SLC29A1: variants seen among roughly 807,000 people sequenced by gnomAD.
The protein encoded by SLC29A1 is equilibrative nucleoside transporter 1.
A neutral mutation model predicts 48.3 loss-of-function variants in SLC29A1; 22 were observed. The ratio of observed to expected loss-of-function variants is 0.46; its 90% CI spans 0.33 to 0.65. SLC29A1 has a LOEUF of 0.65. Ranked by LOEUF, SLC29A1 falls within the 30% of genes least tolerant of loss-of-function variation. The probability of loss-of-function intolerance (pLI) is 0.03; values close to 1 mark genes in which losing one functional copy is unlikely to be tolerated. For synonymous variants in SLC29A1, 228 were observed against 231.0 expected, an observed-to-expected ratio of 0.99 and a Z score of 0.12; for missense variants, 491 against 575.3, an observed-to-expected ratio of 0.85 and a Z score of 1.50.
chr6:44,223,702 C>T lies in SLC29A1; in HGVS notation c.-52+61C>T. On this transcript the variant is annotated intron_variant, in intron 1 of 12. Transcript: ENST00000371755. This position sits in a 1 kb window ranked among gnomAD's most constrained non-coding sequence, Gnocchi z 5.0. ...TGCCGGGGCGGAAGACGCCGCTGCC[C>T]GCCTGCCACGGAGGGCAGGGAGGGC... 1 of 1,105,240 alleles carries T rather than the reference C, an allele frequency of 9.0e-7. No homozygotes were observed. Among genetic ancestry groups the T allele is most frequent in the Non-Finnish European group, 1.1e-6 (1 of 892,366 alleles). The allele number at this position is 1,105,240 out of a possible 1,614,324, so 68.5% of individuals were successfully genotyped here. A position where few individuals can be genotyped will look rare whatever the true frequency, so the allele number is the denominator to read the frequency against.
At chr6:44,226,957 C>G (rs773015074) in intron 1 of SLC29A1, 7 of 1,124,426 alleles carry the variant, frequency 6.2e-6, no homozygotes, top group Non-Finnish European at 7.7e-6. Context: ...CCCTCCTGCT[C>G]TCCACCCTCC....
At chr6:44,231,962 C>T (rs1778997894) in intron 9 of SLC29A1, 36 bp from the exon 10 acceptor site, 4 of 1,458,062 alleles carry the variant, frequency 2.7e-6, no homozygotes, top group Non-Finnish European at 3.9e-6. Flanking sequence ...ACCATGAAGA[C>T]ACAGGCATTT....
At chr6:44,223,340 A>G (rs1224135306), upstream of SLC29A1, among the ~76,000 whole-genome samples, 3 of 151,882 alleles carry the variant, frequency 2.0e-5, no homozygotes, top group African/African-American at 7.2e-5. The surrounding 1 kb of genome is among the most constrained non-coding windows in gnomAD (Gnocchi z 5.0). Flanking sequence ...AGCCCCATGT[A>G]CCCCACACGA....
chr6:44,225,523 A>T (rs1441405241), intron 1 of SLC29A1, among the ~76,000 whole-genome samples: 1 of 151,630 alleles, frequency 6.6e-6, no homozygotes, highest in Non-Finnish European at 1.5e-5. Context: ...AAAAAAAAAA[A>T]AGAAAAAATC....
intron 1 of SLC29A1, chr6:44,224,043 TGCAGGCTCGC>T: frequency 3.3e-5 from 1 of 29,916 alleles, no homozygotes; most frequent in Non-Finnish European, 4.0e-5. Context: ...CGAGCGGAGG[TGCAGGCTCGC>T]GAGCGGAGGT....
rs1373886618 is a variant in SLC29A1 at position 44,232,611 on chromosome 6, A to G, written c.1059+183A>G. 3 of 643,070 alleles carry G rather than the reference A, an allele frequency of 4.7e-6. No homozygotes were observed. Among genetic ancestry groups the G allele is most frequent in the Non-Finnish European group, 8.1e-6 (3 of 369,138 alleles). 39.8% of individuals were successfully genotyped at this position (643,070 alleles called of 1,614,324 possible). On this transcript the variant is annotated intron_variant, in intron 11 of 12. Coordinates refer to ENST00000371755, the MANE Select transcript of SLC29A1 (RefSeq NM_001372327.1). The surrounding 1 kb of genome is among the most constrained non-coding windows in gnomAD (Gnocchi z 4.7). ...TTAATGAATATATGTATATACACAT[A>G]CCTGCCCAGATCGAGATGTAGAATA... is the stretch of plus-strand genomic sequence containing the variant.
At chr6:44,231,507 TCTC>T (rs769239864) in intron 9 of SLC29A1, 46 bp downstream of exon 9, 8 of 1,263,926 alleles carry the variant, frequency 6.3e-6, no homozygotes, top group Non-Finnish European at 9.1e-6. Flanking sequence ...GTCCTCTTTC[TCTC>T]CTCCTTTTGC....
At position 44,233,580 on chromosome 6, in the gene SLC29A1, C is replaced by T. The variant is rs745985327; in HGVS notation, c.*52C>T. 7.0e-7 allele frequency: 1 copy of T among 1,426,750 alleles called. No individual in the cohort carries two copies. The highest frequency in any genetic ancestry group is 9.9e-7 in the Non-Finnish European group (1 of 1,009,534). 88.4% of individuals were successfully genotyped at this position (1,426,750 alleles called of 1,614,324 possible). A position where few individuals can be genotyped will look rare whatever the true frequency, so the allele number is the denominator to read the frequency against. ...CCTCCCTCCCTGTCTGCCTCCTGCC[C>T]CTTCCTTCTGCCAGGGGTGATCCTG... On this transcript the variant is annotated 3_prime_UTR_variant, in exon 13 of 13. Transcript: ENST00000371755.
In SLC29A1 at chr6:44,233,628, C is replaced by A; in HGVS notation, c.*100C>A. 1 of 940,356 alleles carries A rather than the reference C, an allele frequency of 1.1e-6. No homozygotes were observed. Among genetic ancestry groups the A allele is most frequent in the South Asian group, 1.4e-5 (1 of 71,698 alleles). 58.3% of individuals were successfully genotyped at this position (940,356 alleles called of 1,614,324 possible). A position where few individuals can be genotyped will look rare whatever the true frequency, so the allele number is the denominator to read the frequency against. ...CTGAGTGGTCTGGCGGTTTTTTCTT[C>A]TAACTGACTTCTGCTTTCCACGGCG... is the stretch of plus-strand genomic sequence containing the variant. On this transcript the variant is annotated 3_prime_UTR_variant, in exon 13 of 13. Coordinates refer to ENST00000371755, the MANE Select transcript of SLC29A1 (RefSeq NM_001372327.1).
At chr6:44,230,688 G>A (rs780575801) in intron 7 of SLC29A1, 23 bp downstream of exon 7, 10 of 1,331,728 alleles carry the variant, frequency 7.5e-6, no homozygotes, top group Non-Finnish European at 1.1e-5. Context: ...AGGGAGCTGG[G>A]GTTTGGGGTA....
chr6:44,230,078 G>A (rs200345806), intron 5 of SLC29A1, 32 bp downstream of exon 5: 1 of 1,601,658 alleles, frequency 6.2e-7, no homozygotes, highest in South Asian at 1.1e-5. Context: ...CCTATGGGAG[G>A]AGGCATGCCC....
At chr6:44,225,433 G>T (rs1777283504) in intron 1 of SLC29A1, among the ~76,000 whole-genome samples, 1 of 151,234 alleles carries the variant, frequency 6.6e-6, no homozygotes, top group Non-Finnish European at 1.5e-5. Flanking sequence ...TTGAACCTGG[G>T]AGGCAGAATT....
chr6:44,230,482 G>C lies in SLC29A1; in HGVS notation c.589+1G>C. The stretch of plus-strand genomic sequence containing the variant: ...GTGGCCATGATCTGCGCTATTGCCA[G>C]TAAGTCCGGCTATCTACCTGCCCAG... On this transcript the variant is annotated splice_donor_variant, in intron 6 of 12. Transcript: ENST00000371755. LOFTEE classifies it high-confidence loss of function. The C allele has an allele frequency of 2.5e-6, 4 of 1,613,776 alleles. No individual in the cohort carries two copies. Among genetic ancestry groups the C allele is most frequent in the Non-Finnish European group, 3.4e-6 (4 of 1,179,870 alleles).
intron 2 of SLC29A1, among the ~76,000 whole-genome samples, chr6:44,228,539 CT>C (rs1243222140): frequency 1.3e-5 from 2 of 152,260 alleles, no homozygotes; most frequent in Non-Finnish European, 2.9e-5. Context: ...TTCTCACTGC[CT>C]TGGGCTTTAT....
intron 1 of SLC29A1, among the ~76,000 whole-genome samples, chr6:44,225,156 G>C (rs1298853519): frequency 1.3e-5 from 2 of 152,078 alleles, no homozygotes; most frequent in Admixed American, 6.5e-5. Flanking sequence ...TGGAGTACGG[G>C]GTATGCGGGT....
At chr6:44,226,212 C>A in intron 1 of SLC29A1, 1 of 711,196 alleles carries the variant, frequency 1.4e-6, no homozygotes, top group Non-Finnish European at 1.7e-6. Context: ...CCTTTCACCC[C>A]AAACAGCAAG....
Position 44,233,634 on chromosome 6 carries a change from G to A in SLC29A1, c.*106G>A. ...GGTCTGGCGGTTTTTTCTTCTAACT[G>A]ACTTCTGCTTTCCACGGCGTGTGCT... On this transcript the variant is annotated 3_prime_UTR_variant, in exon 13 of 13. Transcript: ENST00000371755. 2 of 880,950 alleles carry A rather than the reference G, an allele frequency of 2.3e-6. No individual in the cohort carries two copies. Among genetic ancestry groups the A allele is most frequent in the Non-Finnish European group, 3.7e-6 (2 of 535,974 alleles). The allele number at this position is 880,950 out of a possible 1,614,324, so 54.6% of individuals were successfully genotyped here.
At chr6:44,219,631 G>A (rs1188281945), upstream of SLC29A1, 35 of 1,113,996 alleles carry the variant, frequency 3.1e-5, no homozygotes, top group Non-Finnish European at 4.0e-5. Context: ...TCCGCCCGGC[G>A]GCCCACACCG....
chr6:44,219,990 A>T (rs1027507477), upstream of SLC29A1, among the ~76,000 whole-genome samples: 1 of 152,162 alleles, frequency 6.6e-6, no homozygotes, highest in Non-Finnish European at 1.5e-5. Flanking sequence ...TGCCTCCCCA[A>T]ACTCCCCAGC....
Sources: gnomAD v4.1 joint callset for allele counts (sites outside exome capture counted in the v4.1 genomes callset) on GRCh38, gnomAD v4.1.1 for gene constraint, Gnocchi (gnomAD v3.1) non-coding constraint, MANE v1.5 for transcripts, NCBI Gene and HGNC (gene_info 2026-07-23, HGNC 2026-07-21) for gene names.